EPHA3: variants seen among roughly 807,000 people sequenced by gnomAD.
EPHA3 encodes the protein ephrin type-A receptor 3.
In EPHA3, 42 loss-of-function variants were observed where a neutral mutation model predicts 107.1. The ratio of observed to expected loss-of-function variants is 0.39; its 90% CI spans 0.31 to 0.51. The LOEUF (loss-of-function observed/expected upper bound fraction) is 0.51. EPHA3 is among the 20% of genes least tolerant of loss of function. The pLI is 0.78. For synonymous variants in EPHA3, 461 were observed against 424.8 expected (o/e 1.09, Z -1.05); for missense variants, 1,183 against 1,211.2 (o/e 0.98, Z 0.35).
At chr3:89,431,544 T>G (rs1353169417) in intron 13 of EPHA3, among the ~76,000 whole-genome samples, 185 bp downstream of exon 13, 4 of 152,158 alleles carry the variant, frequency 2.6e-5, no homozygotes, top group Admixed American at 1.3e-4. Flanking sequence ...TGTTTAACAT[T>G]TAATGATTTT....
chr3:89,453,124 A>G (rs1374748908), intron 15 of EPHA3, among the ~76,000 whole-genome samples: 11 of 152,150 alleles, frequency 7.2e-5, no homozygotes, highest in Admixed American at 2.6e-4. Flanking sequence ...CTAACAGGAT[A>G]ACAAACCTGT....
chr3:89,169,977 G>A (rs1295356804), intron 2 of EPHA3, among the ~76,000 whole-genome samples: 5 of 152,044 alleles, frequency 3.3e-5, no homozygotes, highest in Admixed American at 1.3e-4. Context: ...GGCGGGGCGC[G>A]GTGACTCACG....
intron 5 of EPHA3, among the ~76,000 whole-genome samples, chr3:89,344,851 G>A (rs572846743): frequency 6.6e-6 from 1 of 152,232 alleles, no homozygotes; most frequent in African/African-American, 2.4e-5. Flanking sequence ...AATTGTAGAA[G>A]ATTATGTTGT....
At chr3:89,318,749 C>A (rs1354577531) in intron 3 of EPHA3, among the ~76,000 whole-genome samples, 2 of 151,878 alleles carry the variant, frequency 1.3e-5, no homozygotes, top group Admixed American at 1.3e-4. Flanking sequence ...ACAATAATGA[C>A]ATCTCTAAAG....
intron 2 of EPHA3, among the ~76,000 whole-genome samples, chr3:89,154,471 T>G (rs561212635): frequency 6.6e-6 from 1 of 152,064 alleles, no homozygotes; most frequent in African/African-American, 2.4e-5. Context: ...TATGTATAAA[T>G]GAAGTGCAGC....
At chr3:89,357,414 C>A (rs540984919) in intron 5 of EPHA3, among the ~76,000 whole-genome samples, 3 of 150,912 alleles carry the variant, frequency 2.0e-5, no homozygotes, top group South Asian at 2.1e-4. Context: ...TGTCAGATGA[C>A]CCCAAAATTA....
chr3:89,113,742 G>GA (rs1318387726), intron 1 of EPHA3, among the ~76,000 whole-genome samples: 1 of 113,906 alleles, frequency 8.8e-6, no homozygotes, highest in Non-Finnish European at 1.8e-5. Flanking sequence ...TTGAGGTGGG[G>GA]GGGGGCTGCA....
chr3:89,381,999 A>G (rs1708518571), intron 5 of EPHA3, among the ~76,000 whole-genome samples: 1 of 152,204 alleles, frequency 6.6e-6, no homozygotes, highest in Non-Finnish European at 1.5e-5. Context: ...CTGGGTTTAA[A>G]GAGTGAGAAA....
chr3:89,267,079 A>G (rs1003794641), intron 3 of EPHA3, among the ~76,000 whole-genome samples: 5 of 152,140 alleles, frequency 3.3e-5, no homozygotes, highest in Non-Finnish European at 5.9e-5. Flanking sequence ...TTTGCAGAGT[A>G]TAAGCAAACT....
intron 16 of EPHA3, among the ~76,000 whole-genome samples, chr3:89,478,954 T>A (rs978632006): frequency 3.9e-5 from 6 of 152,296 alleles, no homozygotes; most frequent in African/African-American, 1.4e-4. Flanking sequence ...TCTCTTCTAG[T>A]TTCTGGTGGA....
intron 11 of EPHA3, among the ~76,000 whole-genome samples, chr3:89,427,765 A>T (rs1172274709): frequency 6.6e-6 from 1 of 151,924 alleles, no homozygotes; most frequent in Non-Finnish European, 1.5e-5. Flanking sequence ...AAATGGGAAT[A>T]ATGCATATTG....
intron 3 of EPHA3, among the ~76,000 whole-genome samples, chr3:89,339,049 G>A (rs1707456207): frequency 6.6e-6 from 1 of 152,100 alleles, no homozygotes; most frequent in Non-Finnish European, 1.5e-5. Context: ...AACAGTAAAG[G>A]ATACGTAGGC....
intron 2 of EPHA3, among the ~76,000 whole-genome samples, chr3:89,148,181 T>C: frequency 6.6e-6 from 1 of 151,968 alleles, no homozygotes; most frequent in East Asian, 1.9e-4. Flanking sequence ...GTCTGTGTTT[T>C]TAAAATGTAT....
At chr3:89,325,674 T>C (rs1707148474) in intron 3 of EPHA3, among the ~76,000 whole-genome samples, 1 of 152,156 alleles carries the variant, frequency 6.6e-6, no homozygotes, top group Admixed American at 6.6e-5. Context: ...TACTTTATTT[T>C]TTCCTTTTAC....
intron 5 of EPHA3, among the ~76,000 whole-genome samples, chr3:89,365,043 C>T (rs1379595959): frequency 2.0e-5 from 3 of 150,762 alleles, no homozygotes; most frequent in Non-Finnish European, 4.5e-5. Context: ...TTTCTACCCT[C>T]GATGAATTTA....
chr3:89,152,299 A>G (rs1704706172), intron 2 of EPHA3, among the ~76,000 whole-genome samples: 1 of 152,082 alleles, frequency 6.6e-6, no homozygotes, highest in South Asian at 2.1e-4. Flanking sequence ...TAATACTCTC[A>G]GTTGTGTTCT....
At chr3:89,200,821 C>G (rs1705951240) in intron 2 of EPHA3, among the ~76,000 whole-genome samples, 19 of 152,092 alleles carry the variant, frequency 1.2e-4, no homozygotes. Flanking sequence ...AAAGATGTGC[C>G]CGTTAGGTGA....
chr3:89,213,775 G>A (rs1285400463), intron 3 of EPHA3, among the ~76,000 whole-genome samples: 1 of 151,852 alleles, frequency 6.6e-6, no homozygotes, highest in African/African-American at 2.4e-5. Context: ...TAAATTTACT[G>A]ATCTAGTGCT....
chr3:89,247,957 G>A (rs1307863988), intron 3 of EPHA3, among the ~76,000 whole-genome samples: 1 of 152,042 alleles, frequency 6.6e-6, no homozygotes, highest in Non-Finnish European at 1.5e-5. Flanking sequence ...GATGTTCTTT[G>A]TCTATTGTTT....
Sources: allele counts gnomAD v4.1 joint callset (sites outside exome capture counted in the v4.1 genomes callset), GRCh38; gene constraint gnomAD v4.1.1; transcripts MANE v1.5; gene names NCBI Gene and HGNC (gene_info 2026-07-23, HGNC 2026-07-21).